The following BACE2 variants were observed in gnomAD, a reference collection of about 807,000 sequenced individuals.
BACE2 encodes the protein beta-secretase 2, also known as 56 kDa aspartic-like protease.
In BACE2, 17 loss-of-function variants were observed where a neutral mutation model predicts 46.2. The ratio of observed to expected loss-of-function variants is 0.37; its 90% CI spans 0.25 to 0.55. The LOEUF (loss-of-function observed/expected upper bound fraction) is 0.55, where lower values mean the gene tolerates loss of function less well. BACE2 is among the 20% of genes least tolerant of loss of function. BACE2 has a pLI of 0.82. For synonymous variants in BACE2, 277 were observed against 295.9 expected, an observed-to-expected ratio of 0.94 and a Z score of 0.66; for missense variants, 595 against 698.1, an observed-to-expected ratio of 0.85 and a Z score of 1.66.
chr21:41,260,577 G>GC (rs1987910039), intron 8 of BACE2, among the ~76,000 whole-genome samples: 1 of 152,216 alleles, frequency 6.6e-6, no homozygotes, highest in African/African-American at 2.4e-5. Flanking sequence ...TGTTGTGGTG[G>GC]CAGGAGCCCT....
intron 1 of BACE2, among the ~76,000 whole-genome samples, chr21:41,217,721 G>A (rs578071203): frequency 1.3e-5 from 2 of 152,352 alleles, no homozygotes; most frequent in African/African-American, 4.8e-5. Context: ...TTGCTCTTGT[G>A]ATAATCCTAA....
intron 1 of BACE2, among the ~76,000 whole-genome samples, chr21:41,196,199 G>C (rs575461006): frequency 2.6e-4 from 39 of 152,232 alleles, no homozygotes; most frequent in African/African-American, 9.4e-4. Flanking sequence ...TTGGGAGGCT[G>C]AGGCATGAGA....
At chr21:41,241,206 C>A (rs1987276803) in intron 3 of BACE2, among the ~76,000 whole-genome samples, 2 of 152,186 alleles carry the variant, frequency 1.3e-5, no homozygotes, top group African/African-American at 4.8e-5. Flanking sequence ...ACACAGAGCA[C>A]ACGAGGGCTT....
chr21:41,220,087 T>C (rs1381262754), intron 1 of BACE2, among the ~76,000 whole-genome samples: 1 of 152,158 alleles, frequency 6.6e-6, no homozygotes, highest in East Asian at 1.9e-4. Context: ...TTGATTAATT[T>C]GCTAGATTTA....
intron 2 of BACE2, among the ~76,000 whole-genome samples, chr21:41,234,926 C>T (rs1987072215): frequency 6.6e-6 from 1 of 152,312 alleles, no homozygotes; most frequent in East Asian, 1.9e-4. Flanking sequence ...GCACAGAAAA[C>T]ATTCACTGAA....
chr21:41,229,463 A>G lies in BACE2; in HGVS notation c.401+3109A>G, dbSNP rs1003168322. On this transcript the variant is annotated intron_variant, in intron 2 of 8. Coordinates refer to ENST00000330333, the MANE Select transcript of BACE2 (RefSeq NM_012105.5). ...AGCCCTGTGGATGGCTACTTTTTTC[A>G]TGGCAGATAAATAGCAGTTCTGTGG... Among the ~76,000 whole-genome samples the G allele has an allele frequency of 2.0e-5, 3 of 152,308 alleles. No individual in the cohort carries two copies. The East Asian group carries it at 5.8e-4, about 29-fold the overall frequency.
intron 2 of BACE2, among the ~76,000 whole-genome samples, chr21:41,237,096 C>T (rs562066238): frequency 6.6e-6 from 1 of 152,270 alleles, no homozygotes; most frequent in East Asian, 1.9e-4. Flanking sequence ...TTTAGGATAG[C>T]TGCCTTGGAC....
intron 8 of BACE2, among the ~76,000 whole-genome samples, chr21:41,259,203 T>C (rs1364631252): frequency 6.6e-6 from 1 of 152,230 alleles, no homozygotes; most frequent in Non-Finnish European, 1.5e-5. Context: ...TGAATTTCAC[T>C]GTGAGTTATT....
At chr21:41,208,247 C>T (rs1220570281) in intron 1 of BACE2, among the ~76,000 whole-genome samples, 1 of 152,244 alleles carries the variant, frequency 6.6e-6, no homozygotes, top group East Asian at 1.9e-4. Flanking sequence ...CAAGTGACTG[C>T]TCTCCCCACA....
intron 1 of BACE2, among the ~76,000 whole-genome samples, chr21:41,174,434 C>T (rs926479144): frequency 4.6e-5 from 7 of 152,080 alleles, no homozygotes; most frequent in Non-Finnish European, 7.3e-5. Context: ...AGCCACCGCG[C>T]GGCCAAGTGG....
chr21:41,210,644 T>C (rs1986270201), intron 1 of BACE2, among the ~76,000 whole-genome samples: 1 of 152,196 alleles, frequency 6.6e-6, no homozygotes, highest in South Asian at 2.1e-4. Context: ...GGCAGGAGAC[T>C]GACTTCAGGA....
rs117482134 is a variant in BACE2, at chr21:41,262,831, T to C, written c.1303+5505T>C. Among the ~76,000 whole-genome samples the C allele has an allele frequency of 8.6e-3, 1,309 of 152,248 alleles. 11 individuals are homozygous for C. Among genetic ancestry groups the C allele is most frequent in the Non-Finnish European group, 0.011 (773 of 67,972 alleles). On this transcript the variant is annotated intron_variant, in intron 8 of 8. Coordinates refer to ENST00000330333, the MANE Select transcript of BACE2 (RefSeq NM_012105.5). The stretch of plus-strand genomic sequence containing the variant: ...GGAATATGGGTATGCAATTTTTATA[T>C]ATTATATATTAATCTTCTATCCAGC...
At chr21:41,194,939 T>C (rs1008844431) in intron 1 of BACE2, among the ~76,000 whole-genome samples, 2 of 152,220 alleles carry the variant, frequency 1.3e-5, no homozygotes, top group East Asian at 1.9e-4. Context: ...AGGGCACTTA[T>C]TTCCAGCAGG....
At chr21:41,214,430 T>C (rs183597661) in intron 1 of BACE2, among the ~76,000 whole-genome samples, 1 of 152,300 alleles carries the variant, frequency 6.6e-6, no homozygotes, top group Admixed American at 6.5e-5. Flanking sequence ...AATCTGATGA[T>C]GCGGTTTTGG....
intron 1 of BACE2, among the ~76,000 whole-genome samples, chr21:41,209,938 A>G (rs1986246097): frequency 6.6e-6 from 1 of 151,774 alleles, no homozygotes; most frequent in Non-Finnish European, 1.5e-5. Context: ...TGTCCTTTCT[A>G]CTCTTCATAA....
At chr21:41,182,686 C>G (rs577122499) in intron 1 of BACE2, 1 of 167,090 alleles carries the variant, frequency 6.0e-6, no homozygotes, top group Non-Finnish European at 1.5e-5. Context: ...TGAGTGCCCG[C>G]CCACCTCCAC....
chr21:41,224,359 C>T lies in BACE2; in HGVS notation c.313-1907C>T, dbSNP rs1016491438. On this transcript the variant is annotated intron_variant, in intron 1 of 8. Transcript: ENST00000330333. ...CCTCCCAAGTAGCTGGGACTGCAGG[C>T]GTGTGCCACCACGTCCGGCTAATTT... is the stretch of plus-strand genomic sequence containing the variant. Among the ~76,000 whole-genome samples, 19 of 151,996 alleles carry T rather than the reference C, an allele frequency of 1.3e-4. 1 individual carries two copies. The Middle Eastern group carries it at 0.017, about 136-fold the overall frequency.
At chr21:41,231,815 C>G (rs894732799) in intron 2 of BACE2, among the ~76,000 whole-genome samples, 1 of 152,124 alleles carries the variant, frequency 6.6e-6, no homozygotes, top group Non-Finnish European at 1.5e-5. Context: ...AATTATTGTG[C>G]AGAGCAATTG....
At position 41,281,038 on chromosome 21, in the gene BACE2, A is replaced by G. The variant is rs1488199203; in HGVS notation, c.*5414A>G. 2.6e-5 allele frequency: 4 copies of G among 152,132 alleles called. No individual in the cohort carries two copies. The highest frequency in any genetic ancestry group is 5.9e-5 in the Non-Finnish European group (4 of 68,034). 9.4% of individuals were successfully genotyped at this position (152,132 alleles called of 1,614,324 possible). A position where few individuals can be genotyped will look rare whatever the true frequency, so the allele number is the denominator to read the frequency against. ...GTTGAGCCTCGGGTACTTCTTGGACACTATTGTGAGAGCAGCCATCCTGGT... is the reference window on the plus strand; with the variant it reads ...GTTGAGCCTCGGGTACTTCTTGGACGCTATTGTGAGAGCAGCCATCCTGGT... On this transcript the variant is annotated 3_prime_UTR_variant, in exon 9 of 9. Coordinates refer to ENST00000330333, the MANE Select transcript of BACE2 (RefSeq NM_012105.5).
Sources: allele counts gnomAD v4.1 joint callset (sites outside exome capture counted in the v4.1 genomes callset), GRCh38; gene constraint gnomAD v4.1.1; transcripts MANE v1.5; gene names NCBI Gene and HGNC (gene_info 2026-07-23, HGNC 2026-07-21).